Variants in ANKRD54 observed in about 807,000 individuals in gnomAD.
ANKRD54 encodes ankyrin repeat domain-containing protein 54.
A neutral mutation model predicts 36.2 loss-of-function variants in ANKRD54; 26 were observed. The observed-to-expected ratio is 0.72, with a 90% CI of 0.53 to 1.00. The LOEUF (loss-of-function observed/expected upper bound fraction) is 1.00, where lower values mean the gene tolerates loss of function less well. Ranked by LOEUF, ANKRD54 falls within the 50% of genes least tolerant of loss-of-function variation. ANKRD54 has a pLI of 0.00. For synonymous variants in ANKRD54, 209 were observed against 188.4 expected (o/e 1.11, Z -0.89); for missense variants, 384 against 424.3 (o/e 0.91, Z 0.83).
At chr22:37,838,981 A>C (rs8136353) in intron 2 of ANKRD54, among the ~76,000 whole-genome samples, 192 of 152,078 alleles carry the variant, frequency 1.3e-3, no homozygotes, top group African/African-American at 4.5e-3. Context: ...GGCCTATGCT[A>C]TGCTCCCAGC....
intron 2 of ANKRD54, among the ~76,000 whole-genome samples, chr22:37,839,344 T>C (rs1277313292): frequency 6.6e-6 from 1 of 152,186 alleles, no homozygotes; most frequent in Non-Finnish European, 1.5e-5. Context: ...TTTTTTCTTA[T>C]ATATTTCTCT....
At chr22:37,844,636 C>T (rs901319269), upstream of ANKRD54, among the ~76,000 whole-genome samples, 4 of 152,158 alleles carry the variant, frequency 2.6e-5, no homozygotes, top group Admixed American at 6.5e-5. Context: ...GCCAGGCTCG[C>T]GATCTCGGCT....
At chr22:37,847,595 G>C (rs535365201), upstream of ANKRD54, 5 of 470,260 alleles carry the variant, frequency 1.1e-5, no homozygotes, top group East Asian at 2.5e-4. Flanking sequence ...CTCTTTCACT[G>C]TCATTATTTT....
chr22:37,840,911 C>A lies in ANKRD54; in HGVS notation c.329-677G>T, dbSNP rs571927387. Among the ~76,000 whole-genome samples the A allele has an allele frequency of 4.0e-5, 6 of 151,692 alleles. No individual in the cohort carries two copies. In the South Asian group the frequency reaches 1.0e-3, roughly 26 times the overall value. Reference sequence around the variant, plus strand: ...CAGAAAAAAACAAAAACAACAAAAACCAACAAAAAAAACCCAGCCATCTAG... The same window carrying A: ...CAGAAAAAAACAAAAACAACAAAAAACAACAAAAAAAACCCAGCCATCTAG... On this transcript the variant is annotated intron_variant, in intron 1 of 7. Transcript: ENST00000215941.
At chr22:37,833,540 G>T in intron 4 of ANKRD54, 144 bp downstream of exon 4, 1 of 896,488 alleles carries the variant, frequency 1.1e-6, no homozygotes, top group Non-Finnish European at 1.7e-6. Flanking sequence ...AGGCTGCTGG[G>T]CAGTGCAGCC....
upstream of ANKRD54, among the ~76,000 whole-genome samples, chr22:37,844,891 T>G (rs1173115268): frequency 6.6e-6 from 1 of 151,838 alleles, no homozygotes; most frequent in Non-Finnish European, 1.5e-5. Flanking sequence ...TTCCTCTCCA[T>G]TTCCCAGTCT....
intron 1 of ANKRD54, among the ~76,000 whole-genome samples, chr22:37,843,079 C>T (rs1200418982): frequency 6.6e-6 from 1 of 152,224 alleles, no homozygotes; most frequent in Non-Finnish European, 1.5e-5. Flanking sequence ...GGCAGCATAA[C>T]AGCTAAACAT....
chr22:37,838,062 G>C (rs922898349), intron 3 of ANKRD54, among the ~76,000 whole-genome samples: 2 of 152,056 alleles, frequency 1.3e-5, no homozygotes, highest in Non-Finnish European at 2.9e-5. Context: ...GTGAACCCGG[G>C]AGGCAGAGCT....
At position 37,843,921 on chromosome 22, in the gene ANKRD54, C is replaced by G; in HGVS notation, c.318G>C (p.Lys106Asn). Reference sequence around the variant, plus strand: ...GCTCGCGCCGCTCACCGTGCACCTCCTTGCCCGTGGGCCCGAGCCGCCGGT... The same window carrying G: ...GCTCGCGCCGCTCACCGTGCACCTCGTTGCCCGTGGGCCCGAGCCGCCGGT... ...RPHRRLGPTG[K>N]EVHALKRLRD... is the part of the protein sequence containing the mutation. The change falls in exon 1 of 8, where the codon AAG becomes AAC. Residue 106 changes from lysine (K) to asparagine (N), a missense_variant. Around this residue, in one of 3 missense-constraint regions of ANKRD54, gnomAD observed 195 missense variants for 177.7 expected, o/e 1.10. Transcript: ENST00000215941. 1 of 1,341,470 alleles carries G rather than the reference C, an allele frequency of 7.5e-7. No homozygotes were observed. The highest frequency in any genetic ancestry group is 1.8e-5 in the South Asian group (1 of 54,470). 83.1% of individuals were successfully genotyped at this position (1,341,470 alleles called of 1,614,324 possible).
upstream of ANKRD54, among the ~76,000 whole-genome samples, chr22:37,846,289 T>C (rs1405964335): frequency 6.6e-6 from 1 of 152,178 alleles, no homozygotes; most frequent in Non-Finnish European, 1.5e-5. Flanking sequence ...AAAAAAATGC[T>C]ATGTTTATTT....
At position 37,831,961 on chromosome 22, in the gene ANKRD54, C is replaced by T. The variant is rs1237922949; in HGVS notation, c.885G>A (p.Gln295=). 3 of 1,613,594 alleles carry T rather than the reference C, an allele frequency of 1.9e-6. No homozygotes were observed. Among genetic ancestry groups the T allele is most frequent in the Non-Finnish European group, 2.5e-6 (3 of 1,179,880 alleles). ...TCTCTTGCTACCTCTTCTCCATGCT[C>T]TGCATCTGCAGACTGAGGGAGGTGA... ...ASFTSLSLQM[Q]SMEKR is the part of the protein sequence containing the mutation. The change falls in exon 8 of 8, where the codon CAG becomes CAA. Residue 295 remains glutamine, a synonymous_variant. Coordinates refer to ENST00000215941, the MANE Select transcript of ANKRD54 (RefSeq NM_138797.4).
rs1262963191 is a variant in ANKRD54, at chr22:37,844,167, C to A, written c.72G>T (p.Ala24=). ...SGHSSSEGEC[A]VAPEPLTDAE... The stretch of plus-strand genomic sequence containing the variant: ...CGTCAGTCAGCGGCTCCGGCGCCAC[C>A]GCGCACTCGCCCTCCGAGCTCGAGT... The change falls in exon 1 of 8, where the codon GCG becomes GCT. Residue 24 remains alanine (A), a synonymous_variant. Transcript: ENST00000215941. The A allele has an allele frequency of 6.7e-7, 1 of 1,501,612 alleles. No individual in the cohort carries two copies. Among genetic ancestry groups the A allele is most frequent in the South Asian group, 1.2e-5 (1 of 80,310 alleles). 93.0% of individuals were successfully genotyped at this position (1,501,612 alleles called of 1,614,324 possible). A position where few individuals can be genotyped will look rare whatever the true frequency, so the allele number is the denominator to read the frequency against.
upstream of ANKRD54, chr22:37,849,302 CTG>C (rs1355820609): frequency 9.3e-6 from 9 of 968,932 alleles, no homozygotes; most frequent in Admixed American, 1.8e-5. Flanking sequence ...CCTCTTCCTT[CTG>C]GATATGGCTG....
chr22:37,847,521 G>A (rs893770395), upstream of ANKRD54, among the ~76,000 whole-genome samples: 3 of 152,110 alleles, frequency 2.0e-5, no homozygotes, highest in African/African-American at 7.2e-5. Flanking sequence ...AGCTCGGTTC[G>A]AGCCAGGAAT....
chr22:37,849,050 G>C, upstream of ANKRD54: 1 of 382,014 alleles, frequency 2.6e-6, no homozygotes, highest in East Asian at 4.3e-5. Context: ...GCAATGGCGC[G>C]ATCTCGGCTC....
chr22:37,839,001 TCCCCCAGCTACTTGGGGCCTCCCAAGTAG>T (rs1923893096), intron 2 of ANKRD54, among the ~76,000 whole-genome samples: 1 of 151,968 alleles, frequency 6.6e-6, no homozygotes, highest in Admixed American at 6.6e-5. Flanking sequence ...CAGGCAGCAA[TCCCCCAGCTACTTGGGGCCTCCCAAGTAG>T]CCCCCAGCTA....
upstream of ANKRD54, chr22:37,844,363 C>A (rs369047913): frequency 2.7e-6 from 3 of 1,112,392 alleles, no homozygotes; most frequent in Non-Finnish European, 2.5e-6. Context: ...GCAACCACGG[C>A]AACCGAGCGG....
At chr22:37,840,270 C>T (rs759316683) in intron 1 of ANKRD54, 36 bp from the exon 2 acceptor site, 2 of 1,612,228 alleles carry the variant, frequency 1.2e-6, no homozygotes, top group Admixed American at 1.7e-5. Context: ...TTTAAAAAAA[C>T]AGCCATGGCT....
upstream of ANKRD54, chr22:37,849,224 T>G (rs1026961124): frequency 1.0e-5 from 6 of 600,256 alleles, no homozygotes; most frequent in African/African-American, 9.5e-5. Context: ...GGCCTCAGCC[T>G]CAGGTGATCC....
Sources: gnomAD v4.1 joint callset for allele counts (sites outside exome capture counted in the v4.1 genomes callset) on GRCh38, gnomAD v4.1.1 for gene constraint, gnomAD v4.1.1 regional missense constraint, MANE v1.5 for transcripts, NCBI Gene and HGNC (gene_info 2026-07-23, HGNC 2026-07-21) for gene names.